SLIT1: variants seen among roughly 807,000 people sequenced by gnomAD.
SLIT1 encodes the protein slit guidance ligand 1, also known as slit homolog 1 protein.
Under a neutral mutation model 186.1 loss-of-function variants are expected in SLIT1, and 66 were observed. The ratio of observed to expected loss-of-function variants is 0.35; its 90% CI spans 0.29 to 0.44. The LOEUF (loss-of-function observed/expected upper bound fraction) is 0.44, where lower values mean the gene tolerates loss of function less well. Ranked by LOEUF, SLIT1 falls within the 20% of genes least tolerant of loss-of-function variation. The pLI is 1.00. For missense variants in SLIT1, 1,638 were observed against 2,037.4 expected, an observed-to-expected ratio of 0.80 and a Z score of 3.77; for synonymous variants, 761 against 833.8, an observed-to-expected ratio of 0.91 and a Z score of 1.50.
At chr10:97,139,585 C>T (rs1849737713) in intron 4 of SLIT1, among the ~76,000 whole-genome samples, 1 of 152,204 alleles carries the variant, frequency 6.6e-6, no homozygotes, top group Admixed American at 6.5e-5. Context: ...AACTCTGGGA[C>T]ACCACTGGTT....
chr10:97,136,746 C>G (rs1484150027), intron 4 of SLIT1, among the ~76,000 whole-genome samples: 6 of 152,192 alleles, frequency 3.9e-5, no homozygotes, highest in African/African-American at 1.4e-4. Flanking sequence ...GATTTGAAGG[C>G]ATACTGTCGG....
intron 4 of SLIT1, among the ~76,000 whole-genome samples, chr10:97,097,337 T>C (rs1025649838): frequency 5.3e-5 from 8 of 152,248 alleles, no homozygotes; most frequent in African/African-American, 1.9e-4. Context: ...TCTGGCTCAT[T>C]TGGAAACTTC....
chr10:97,158,766 G>A (rs543655671), intron 3 of SLIT1, among the ~76,000 whole-genome samples: 4 of 151,846 alleles, frequency 2.6e-5, no homozygotes, highest in Admixed American at 2.6e-4. Flanking sequence ...TGTAATCCCA[G>A]CAACTCGGGA....
intron 3 of SLIT1, among the ~76,000 whole-genome samples, chr10:97,158,332 T>C (rs575970534): frequency 2.8e-5 from 3 of 105,428 alleles, no homozygotes; most frequent in African/African-American, 9.4e-5. Flanking sequence ...GAGGTTTCAC[T>C]TTTTTTTTTA....
chr10:97,066,136 T>G, intron 4 of SLIT1, 50 bp from the exon 5 acceptor site: 1 of 1,414,164 alleles, frequency 7.1e-7, no homozygotes, highest in Non-Finnish European at 9.8e-7. Flanking sequence ...GAAAAGAGGT[T>G]CCTGCAGAGT....
At chr10:97,116,235 T>C (rs1275094021) in intron 4 of SLIT1, among the ~76,000 whole-genome samples, 1 of 151,994 alleles carries the variant, frequency 6.6e-6, no homozygotes, top group Non-Finnish European at 1.5e-5. Flanking sequence ...GAGGCAGCAG[T>C]AGGAGAGGAG....
intron 4 of SLIT1, chr10:97,155,122 G>A (rs1159094727): frequency 6.6e-6 from 1 of 152,232 alleles, no homozygotes; most frequent in African/African-American, 2.4e-5. Flanking sequence ...ATCCACTGAG[G>A]GCCAGCTGCA....
intron 25 of SLIT1, among the ~76,000 whole-genome samples, chr10:97,027,284 T>C (rs966159011): frequency 6.6e-6 from 1 of 152,236 alleles, no homozygotes; most frequent in African/African-American, 2.4e-5. Flanking sequence ...AAGTGCTCAA[T>C]ATTCTTTCTG....
At chr10:97,007,871 G>T (rs1848373591) in intron 31 of SLIT1, among the ~76,000 whole-genome samples, 1 of 151,720 alleles carries the variant, frequency 6.6e-6, no homozygotes, top group Non-Finnish European at 1.5e-5. Flanking sequence ...TTCCTCCTAA[G>T]ATTAGGAACA....
chr10:97,053,011 A>G (rs1848804978), intron 13 of SLIT1, among the ~76,000 whole-genome samples: 1 of 152,222 alleles, frequency 6.6e-6, no homozygotes, highest in Non-Finnish European at 1.5e-5. Context: ...TTTCTTGGTG[A>G]TGGCGAAGAG....
At chr10:97,048,154 C>T (rs1848753153) in intron 14 of SLIT1, among the ~76,000 whole-genome samples, 158 bp from the exon 15 acceptor site, 1 of 152,232 alleles carries the variant, frequency 6.6e-6, no homozygotes, top group African/African-American at 2.4e-5. Context: ...CTACAGAGCA[C>T]GCATGTTCCT....
At chr10:97,031,462 C>G (rs1286094115) in intron 24 of SLIT1, 144 bp downstream of exon 24, 1 of 612,796 alleles carries the variant, frequency 1.6e-6, no homozygotes, top group African/African-American at 1.9e-5. Flanking sequence ...TGAGAGTATC[C>G]ACAGGGGCTT....
chr10:97,150,769 A>G (rs1849868261), intron 4 of SLIT1, among the ~76,000 whole-genome samples: 1 of 152,212 alleles, frequency 6.6e-6, no homozygotes, highest in Non-Finnish European at 1.5e-5. Context: ...TTGGAGGCCA[A>G]GGAGGCGGCA....
At chr10:97,137,723 T>A (rs540157016) in intron 4 of SLIT1, among the ~76,000 whole-genome samples, 1 of 152,224 alleles carries the variant, frequency 6.6e-6, no homozygotes, top group Admixed American at 6.5e-5. Flanking sequence ...GTAGCTGGGA[T>A]TACAGGTGTG....
At chr10:97,181,875 C>T (rs774649897) in intron 1 of SLIT1, among the ~76,000 whole-genome samples, 6 of 152,134 alleles carry the variant, frequency 3.9e-5, no homozygotes, top group African/African-American at 1.2e-4. Flanking sequence ...CCAGCGATGT[C>T]CACACATACT....
At chr10:97,005,174 C>A (rs1848349530) in intron 32 of SLIT1, among the ~76,000 whole-genome samples, 1 of 152,196 alleles carries the variant, frequency 6.6e-6, no homozygotes, top group Admixed American at 6.5e-5. Flanking sequence ...GTGTGGGTAG[C>A]CTTGCCCTGT....
Position 97,060,802 on chromosome 10 carries a change from G to T in SLIT1, c.794-15C>A. 7 of 1,576,286 alleles carry T rather than the reference G, an allele frequency of 4.4e-6. No homozygotes were observed. Among genetic ancestry groups the T allele is most frequent in the Non-Finnish European group, 5.2e-6 (6 of 1,161,260 alleles). ...TTCTCCCTGGCCTGCAGAAACAGGG[G>T]GGTGTGGCCTCAGGCTGTCATGCAT... On this transcript the variant is annotated splice_polypyrimidine_tract_variant and intron_variant, in intron 8 of 36. Transcript: ENST00000266058.
At chr10:97,161,437 C>T (rs890136938) in intron 3 of SLIT1, among the ~76,000 whole-genome samples, 1 of 152,174 alleles carries the variant, frequency 6.6e-6, no homozygotes, top group African/African-American at 2.4e-5. Flanking sequence ...GGCAACGAGG[C>T]AATCGGATTC....
chr10:97,031,721 G>A, intron 23 of SLIT1, 44 bp from the exon 24 acceptor site: 4 of 1,455,344 alleles, frequency 2.7e-6, no homozygotes, highest in Non-Finnish European at 3.8e-6. Context: ...GTTAGTGCCT[G>A]GCCCCTGTGG....
Sources: gnomAD v4.1 joint callset for allele counts (sites outside exome capture counted in the v4.1 genomes callset) on GRCh38, gnomAD v4.1.1 for gene constraint, MANE v1.5 for transcripts, NCBI Gene and HGNC (gene_info 2026-07-23, HGNC 2026-07-21) for gene names.